Variants in ALKAL2 observed in about 807,000 individuals in gnomAD.
ALKAL2 encodes the protein ALK and LTK ligand 2, also known as AUG-alpha.
ALKAL2 carries 8 observed loss-of-function variants against 18.5 expected under a neutral mutation model. The observed-to-expected ratio is 0.43, with a 90% CI of 0.25 to 0.78. The LOEUF (loss-of-function observed/expected upper bound fraction) is 0.78. Ranked by LOEUF, ALKAL2 falls within the 30% of genes least tolerant of loss-of-function variation. ALKAL2 has a pLI of 0.22. For synonymous variants in ALKAL2, 135 were observed against 95.8 expected (o/e 1.41, Z -2.39); for missense variants, 241 against 211.2 (o/e 1.14, Z -0.88).
At position 279,862 on chromosome 2, in the gene ALKAL2, A is replaced by G. The variant is rs1446734927; in HGVS notation, c.*285T>C. 3 of 385,416 alleles carry G rather than the reference A, an allele frequency of 7.8e-6. No homozygotes were observed. Among genetic ancestry groups the G allele is most frequent in the East Asian group, 7.4e-5 (2 of 26,938 alleles). 23.9% of individuals were successfully genotyped at this position (385,416 alleles called of 1,614,324 possible). On this transcript the variant is annotated 3_prime_UTR_variant, in exon 6 of 6. Transcript: ENST00000403610. Reference sequence around the variant, plus strand: ...TTTGCGATTTCACCTAATGAAGACAATGAAATATTCTGTGTTTTATAGCAC... The same window carrying G: ...TTTGCGATTTCACCTAATGAAGACAGTGAAATATTCTGTGTTTTATAGCAC...
At chr2:287,979 G>A (rs1424083726) in intron 1 of ALKAL2, 34 bp downstream of exon 1, 3 of 1,233,494 alleles carry the variant, frequency 2.4e-6, no homozygotes, top group East Asian at 6.8e-5. Context: ...AGGGGAGGCG[G>A]GAGGAGCCGC....
At chr2:283,940 G>T (rs939570296) in intron 4 of ALKAL2, among the ~76,000 whole-genome samples, 8 of 152,186 alleles carry the variant, frequency 5.3e-5, no homozygotes, top group African/African-American at 1.9e-4. Context: ...AAATGTGTAC[G>T]ATATGTTAGT....
chr2:281,519 G>A (rs1003666841), intron 5 of ALKAL2, among the ~76,000 whole-genome samples: 2 of 152,186 alleles, frequency 1.3e-5, no homozygotes, highest in South Asian at 2.1e-4. Context: ...TCACTGTGGC[G>A]TTTGCAAAGC....
intron 4 of ALKAL2, chr2:283,455 G>T: frequency 1.0e-6 from 1 of 985,418 alleles, no homozygotes; most frequent in Non-Finnish European, 1.2e-6. Context: ...TGAGCTGGCT[G>T]CCCATTGCTT....
At chr2:283,305 A>G in intron 4 of ALKAL2, 130 bp from the exon 5 acceptor site, 2 of 1,456,482 alleles carry the variant, frequency 1.4e-6, no homozygotes, top group East Asian at 2.6e-5. Context: ...AGCAATACGG[A>G]GTCTAATCTG....
At chr2:287,516 C>A in intron 2 of ALKAL2, 67 bp downstream of exon 2, 1 of 1,100,628 alleles carries the variant, frequency 9.1e-7, no homozygotes, top group Non-Finnish European at 1.2e-6. Flanking sequence ...CTTTTTGAAA[C>A]GTGTTTCTCA....
In ALKAL2 at chr2:286,354, GA is replaced by G. The variant is rs759387922; in HGVS notation, c.254-12del. 15 of 1,601,152 alleles carry G rather than the reference GA, an allele frequency of 9.4e-6. 1 individual carries two copies. The highest frequency in any genetic ancestry group is 1.7e-5 in the Admixed American group (1 of 59,032). ...CTCGAGGAACAATTTCTGTTTCAGG[GA>G]AAAGAAAGTATTATATTACCTGAAG... On this transcript the variant is annotated splice_polypyrimidine_tract_variant and intron_variant, in intron 2 of 5. Coordinates refer to ENST00000403610, the MANE Select transcript of ALKAL2 (RefSeq NM_001002919.3).
intron 1 of ALKAL2, 59 bp downstream of exon 1, chr2:287,954 G>C (rs985180434): frequency 8.1e-7 from 1 of 1,232,156 alleles, no homozygotes; most frequent in Admixed American, 4.3e-5. Flanking sequence ...GACGGAGCGC[G>C]GGGCGGGGGA....
chr2:281,887 G>A lies in ALKAL2; in HGVS notation c.453+1224C>T, dbSNP rs201569037. Among the ~76,000 whole-genome samples the A allele has an allele frequency of 5.9e-5, 9 of 152,274 alleles. No individual in the cohort carries two copies. In the East Asian group the frequency reaches 1.3e-3, roughly 23 times the overall value. ...GATTTAAACAGAAGAAAGTCTGTGT[G>A]ACACATAGGCAGTGGATGAGCTGCT... On this transcript the variant is annotated intron_variant, in intron 5 of 5. Coordinates refer to ENST00000403610, the MANE Select transcript of ALKAL2 (RefSeq NM_001002919.3).
At chr2:282,127 G>T (rs1485523464) in intron 5 of ALKAL2, among the ~76,000 whole-genome samples, 1 of 152,266 alleles carries the variant, frequency 6.6e-6, no homozygotes, top group Non-Finnish European at 1.5e-5. Context: ...ATGGAGTGGG[G>T]GATGCATGGG....
At chr2:286,010 G>T in intron 4 of ALKAL2, 113 bp downstream of exon 4, 1 of 890,130 alleles carries the variant, frequency 1.1e-6, no homozygotes, top group Non-Finnish European at 1.8e-6. Context: ...TAGTGAGGAA[G>T]GAATAGGCAA....
In ALKAL2 at chr2:287,903, A is replaced by AG; in HGVS notation, c.-57-12dup. The AG allele has an allele frequency of 9.1e-7, 1 of 1,098,410 alleles. No individual in the cohort carries two copies. The allele number at this position is 1,098,410 out of a possible 1,614,324, so 68.0% of individuals were successfully genotyped here. A position where few individuals can be genotyped will look rare whatever the true frequency, so the allele number is the denominator to read the frequency against. On this transcript the variant is annotated splice_polypyrimidine_tract_variant and intron_variant, in intron 1 of 5. Coordinates refer to ENST00000403610, the MANE Select transcript of ALKAL2 (RefSeq NM_001002919.3). ...CGAGAGCTGGGCTCGCTGCGAGAGA[A>AG]GGGGCGCGGGGGGCCGGAGAGAAAG...
At position 287,883 on chromosome 2, in the gene ALKAL2, G is replaced by A; in HGVS notation, c.-48C>T. 1 of 1,256,512 alleles carries A rather than the reference G, an allele frequency of 8.0e-7. No individual in the cohort carries two copies. 77.8% of individuals were successfully genotyped at this position (1,256,512 alleles called of 1,614,324 possible). A position where few individuals can be genotyped will look rare whatever the true frequency, so the allele number is the denominator to read the frequency against. On this transcript the variant is annotated 5_prime_UTR_variant, in exon 2 of 6. Transcript: ENST00000403610. ...TGGGAGACTCCGACACGCGCCGAGA[G>A]CTGGGCTCGCTGCGAGAGAAGGGGC...
Position 287,698 on chromosome 2 carries a change from C to G in ALKAL2, c.138G>C (p.Gln46His). 6.8e-7 allele frequency: 1 copy of G among 1,479,754 alleles called. No homozygotes were observed. The highest frequency in any genetic ancestry group is 8.9e-7 in the Non-Finnish European group (1 of 1,121,530). 91.7% of individuals were successfully genotyped at this position (1,479,754 alleles called of 1,614,324 possible). A position where few individuals can be genotyped will look rare whatever the true frequency, so the allele number is the denominator to read the frequency against. ...CCGCCGAGTGGTGCTTCCGCAGCTC[C>G]TGGACGAGTTCCACCACCAGCCGCA... ...ALLRLVVELV[Q>H]ELRKHHSAEH... is the part of the protein sequence containing the mutation. The change falls in exon 2 of 6, where the codon CAG (glutamine) becomes CAC (histidine). Residue 46 changes from glutamine to histidine, a missense_variant. Transcript: ENST00000403610.
chr2:284,357 CA>C (rs1670439222), intron 4 of ALKAL2, among the ~76,000 whole-genome samples: 1 of 152,236 alleles, frequency 6.6e-6, no homozygotes, highest in East Asian at 1.9e-4. Context: ...GCATTCCCAA[CA>C]AGCTCCCCAT....
chr2:279,880 T>TAATGAA lies in ALKAL2; in HGVS notation c.*266_*267insTTCATT. The TAATGAA allele has an allele frequency of 2.3e-6, 1 of 436,870 alleles. No individual in the cohort carries two copies. The allele number at this position is 436,870 out of a possible 1,614,324, so 27.1% of individuals were successfully genotyped here. A position where few individuals can be genotyped will look rare whatever the true frequency, so the allele number is the denominator to read the frequency against. ...GAAGACAATGAAATATTCTGTGTTT[T>TAATGAA]ATAGCACTACACGTCAAATGTGGAG... is the stretch of plus-strand genomic sequence containing the variant. On this transcript the variant is annotated 3_prime_UTR_variant, in exon 6 of 6. Coordinates refer to ENST00000403610, the MANE Select transcript of ALKAL2 (RefSeq NM_001002919.3).
Position 279,972 on chromosome 2 carries a change from A to C in ALKAL2, c.*175T>G, listed in dbSNP as rs1238168822. 2.9e-6 allele frequency: 2 copies of C among 691,102 alleles called. No homozygotes were observed. The highest frequency in any genetic ancestry group is 4.4e-5 in the Admixed American group (2 of 45,476). The allele number at this position is 691,102 out of a possible 1,614,324, so 42.8% of individuals were successfully genotyped here. A position where few individuals can be genotyped will look rare whatever the true frequency, so the allele number is the denominator to read the frequency against. Reference sequence around the variant, plus strand: ...ACTGTCAAGTACACTGATTTATCGAATATATATCTGCAAACTGTCAACAAC... The same window carrying C: ...ACTGTCAAGTACACTGATTTATCGACTATATATCTGCAAACTGTCAACAAC... On this transcript the variant is annotated 3_prime_UTR_variant, in exon 6 of 6. Coordinates refer to ENST00000403610, the MANE Select transcript of ALKAL2 (RefSeq NM_001002919.3).
chr2:287,504 C>A, intron 2 of ALKAL2, 79 bp downstream of exon 2: 20 of 849,736 alleles, frequency 2.4e-5, no homozygotes, highest in Non-Finnish European at 2.9e-5. Flanking sequence ...AAATTGATGT[C>A]TCTTTTTGAA....
Position 286,205 on chromosome 2 carries a change from T to G in ALKAL2, c.308-2A>C. On this transcript the variant is annotated splice_acceptor_variant, in intron 3 of 5. Coordinates refer to ENST00000403610, the MANE Select transcript of ALKAL2 (RefSeq NM_001002919.3). LOFTEE classifies it high-confidence loss of function. ...ACTTTGGACTAAAATAAAGAGGGCC[T>G]GGAACACGGAAGAAGAAACAGATCA... The G allele has an allele frequency of 6.2e-7, 1 of 1,613,660 alleles. No individual in the cohort carries two copies. Among genetic ancestry groups the G allele is most frequent in the Non-Finnish European group, 8.5e-7 (1 of 1,179,644 alleles).
Sources: allele counts gnomAD v4.1 joint callset (sites outside exome capture counted in the v4.1 genomes callset), GRCh38; gene constraint gnomAD v4.1.1; transcripts MANE v1.5; gene names NCBI Gene and HGNC (gene_info 2026-07-23, HGNC 2026-07-21).